The following BICD1 variants were observed in gnomAD, a reference collection of about 807,000 sequenced individuals.
BICD1 encodes protein bicaudal D homolog 1.
Under a neutral mutation model 92.5 loss-of-function variants are expected in BICD1, and 35 were observed. That is an observed-to-expected ratio of 0.38 (90% CI 0.29 to 0.50). The LOEUF (loss-of-function observed/expected upper bound fraction) is 0.50. Ranked by LOEUF, BICD1 falls within the 20% of genes least tolerant of loss-of-function variation. The pLI is 0.93. For missense variants in BICD1, 950 were observed against 1,189.8 expected (o/e 0.80, Z 2.97); for synonymous variants, 429 against 465.1 (o/e 0.92, Z 1.00).
At chr12:32,317,769 G>T (rs927675019) in intron 4 of BICD1, among the ~76,000 whole-genome samples, 23 of 152,080 alleles carry the variant, frequency 1.5e-4, no homozygotes, top group African/African-American at 4.1e-4. Flanking sequence ...TGGTGTTTTA[G>T]ACATGAAGTC....
At position 32,296,236 on chromosome 12, in the gene BICD1, A is replaced by G. The variant is rs574790066; in HGVS notation, c.579+2090A>G. ...AGATGCTTCTCGAATACTTTTTAAA[A>G]TAAGAAGGGGTTTTTTTTTGTTTTT... On this transcript the variant is annotated intron_variant, in intron 3 of 9. Coordinates refer to ENST00000652176, the MANE Select transcript of BICD1 (RefSeq NM_001714.4). Among the ~76,000 whole-genome samples the G allele has an allele frequency of 1.3e-3, 193 of 146,778 alleles. 2 individuals are homozygous for G. Among genetic ancestry groups the G allele is most frequent in the South Asian group, 1.3e-3 (6 of 4,714 alleles).
In BICD1 at chr12:32,328,551, A is replaced by G; in HGVS notation, c.2096A>G (p.Lys699Arg). 2 of 1,610,136 alleles carry G rather than the reference A, an allele frequency of 1.2e-6. No individual in the cohort carries two copies. The highest frequency in any genetic ancestry group is 1.7e-6 in the Non-Finnish European group (2 of 1,177,182). ...ATLRAVLKANKQTAEVALANL... is the reference protein window; with the variant it reads ...ATLRAVLKANRQTAEVALANL... ...TTGAGGGCGGTGTTGAAAGCCAACA[A>G]GCAGGTAATCTCATTCTACTGGTGA... Residue 699 changes from lysine (K) to arginine (R), a missense_variant, in exon 5 of 10, where the codon AAG (lysine) becomes AGG (arginine). By Grantham distance (26) the Lys-to-Arg change is conservative. Around this residue, in one of 5 missense-constraint regions of BICD1, gnomAD observed 309 missense variants for 499.4 expected, o/e 0.62. Coordinates refer to ENST00000652176, the MANE Select transcript of BICD1 (RefSeq NM_001714.4). This position sits in a 1 kb window ranked among gnomAD's most constrained non-coding sequence, Gnocchi z 4.4.
intron 2 of BICD1, among the ~76,000 whole-genome samples, chr12:32,261,988 C>T (rs1946870033): frequency 6.8e-6 from 1 of 146,352 alleles, no homozygotes; most frequent in South Asian, 2.2e-4. Flanking sequence ...AGAGATGTTA[C>T]AGTACCTGAC....
intron 1 of BICD1, among the ~76,000 whole-genome samples, chr12:32,177,205 C>T (rs1016117668): frequency 5.3e-5 from 8 of 151,332 alleles, no homozygotes; most frequent in Admixed American, 4.0e-4. Context: ...ATCCGAGCTA[C>T]TTGGGAGGCT....
intron 1 of BICD1, among the ~76,000 whole-genome samples, chr12:32,168,065 A>G (rs1298496729): frequency 6.6e-6 from 1 of 151,902 alleles, no homozygotes; most frequent in Non-Finnish European, 1.5e-5. Flanking sequence ...CCCTAAACAA[A>G]GCCTGGCTCA....
intron 1 of BICD1, among the ~76,000 whole-genome samples, chr12:32,126,092 T>G (rs1312050667): frequency 2.6e-5 from 4 of 151,836 alleles, no homozygotes; most frequent in African/African-American, 7.3e-5. Flanking sequence ...ATCTGACTTT[T>G]GCCTTGAATG....
At chr12:32,172,189 A>G (rs1943966621) in intron 1 of BICD1, among the ~76,000 whole-genome samples, 2 of 152,196 alleles carry the variant, frequency 1.3e-5, no homozygotes, top group African/African-American at 4.8e-5. Flanking sequence ...AGAGGGAATC[A>G]GTGCTAGTGA....
chr12:32,370,579 TGA>T (rs1296767823), intron 9 of BICD1, among the ~76,000 whole-genome samples: 1 of 152,130 alleles, frequency 6.6e-6, no homozygotes, highest in African/African-American at 2.4e-5. Context: ...TGATTATACC[TGA>T]GAGAGTGAAT....
intron 2 of BICD1, among the ~76,000 whole-genome samples, chr12:32,285,627 A>G (rs957976891): frequency 2.6e-5 from 4 of 152,182 alleles, no homozygotes; most frequent in Non-Finnish European, 4.4e-5. Flanking sequence ...TGCTATGCTC[A>G]GGTGCAATGC....
rs1341291623 is a variant in BICD1 at position 32,313,792 on chromosome 12, A to G, written c.1005+7670A>G. ...GGGGTTTGAGACCAGCCTGGGCCAC[A>G]TGGCAAAACCCCATCTCTACCAAAA... is the stretch of plus-strand genomic sequence containing the variant. On this transcript the variant is annotated intron_variant, in intron 4 of 9. Transcript: ENST00000652176. This position sits in a 1 kb window ranked among gnomAD's most constrained non-coding sequence, Gnocchi z 4.2. Among the ~76,000 whole-genome samples, 4 of 152,172 alleles carry G rather than the reference A, an allele frequency of 2.6e-5. No individual in the cohort carries two copies. The highest frequency in any genetic ancestry group is 5.9e-5 in the Non-Finnish European group (4 of 68,020).
intron 2 of BICD1, among the ~76,000 whole-genome samples, chr12:32,230,431 TAAATAAATAAATAAGC>T (rs1243031060): frequency 0.042 from 3,290 of 78,514 alleles, 112 homozygotes; most frequent in African/African-American, 0.13. Flanking sequence ...AATAAATAAA[TAAATAAATAAATAAGC>T]AAGCAAATAA....
In BICD1 at chr12:32,367,736, CAACT is replaced by C; in HGVS notation, c.2832_2835del (p.Thr945SerfsTer69). On this transcript the variant is annotated frameshift_variant, in exon 9 of 10. Transcript: ENST00000652176. LOFTEE classifies it high-confidence loss of function. ...CAACTAGCCGGGAGGCAAGACTGCCCAACTGTCAGGTAAATTCAGATGTCCTTTC... is the reference window on the plus strand; with the variant it reads ...CAACTAGCCGGGAGGCAAGACTGCCCGTCAGGTAAATTCAGATGTCCTTTC... 6 of 1,613,918 alleles carry C rather than the reference CAACT, an allele frequency of 3.7e-6. No homozygotes were observed. The highest frequency in any genetic ancestry group is 5.1e-6 in the Non-Finnish European group (6 of 1,179,798).
At chr12:32,351,505 A>T (rs34561632) in intron 8 of BICD1, among the ~76,000 whole-genome samples, 1 of 150,168 alleles carries the variant, frequency 6.7e-6, no homozygotes. Flanking sequence ...AAAAAAAAAA[A>T]AAAAAAGAAA....
At chr12:32,292,313 G>A (rs369531047) in intron 2 of BICD1, among the ~76,000 whole-genome samples, 3 of 152,118 alleles carry the variant, frequency 2.0e-5, no homozygotes, top group Admixed American at 6.6e-5. Flanking sequence ...TCTTCACATA[G>A]TCTTCCCATC....
At chr12:32,322,656 G>T (rs1948689239) in intron 4 of BICD1, among the ~76,000 whole-genome samples, 1 of 152,126 alleles carries the variant, frequency 6.6e-6, no homozygotes, top group African/African-American at 2.4e-5. Flanking sequence ...AAACACACAT[G>T]CAAGAGACAG....
chr12:32,308,998 T>C (rs924946348), intron 4 of BICD1, among the ~76,000 whole-genome samples: 6 of 152,200 alleles, frequency 3.9e-5, no homozygotes, highest in African/African-American at 1.4e-4. Context: ...ATTTATCTTC[T>C]TGTAATCAGC....
At chr12:32,297,759 T>C (rs2136201664) in intron 3 of BICD1, among the ~76,000 whole-genome samples, 1 of 152,334 alleles carries the variant, frequency 6.6e-6, no homozygotes, top group South Asian at 2.1e-4. Flanking sequence ...CTAAGTACAG[T>C]GTAATTATTG....
At chr12:32,116,667 A>G (rs1042890923) in intron 1 of BICD1, among the ~76,000 whole-genome samples, 1 of 141,214 alleles carries the variant, frequency 7.1e-6, no homozygotes, top group Non-Finnish European at 1.5e-5. Context: ...CCACAGGTGC[A>G]CACCACTATG....
intron 1 of BICD1, among the ~76,000 whole-genome samples, chr12:32,195,357 A>G (rs998366087): frequency 3.5e-5 from 5 of 142,124 alleles, no homozygotes; most frequent in Non-Finnish European, 7.4e-5. Flanking sequence ...CCTGGTTTCA[A>G]ACTACTTCCT....
Sources: gnomAD v4.1 joint callset for allele counts (sites outside exome capture counted in the v4.1 genomes callset) on GRCh38, gnomAD v4.1.1 for gene constraint, gnomAD v4.1.1 regional missense constraint, Gnocchi (gnomAD v3.1) non-coding constraint, MANE v1.5 for transcripts, NCBI Gene and HGNC (gene_info 2026-07-23, HGNC 2026-07-21) for gene names.